FER: variants seen among roughly 807,000 people sequenced by gnomAD.
FER encodes the protein FER tyrosine kinase.
In FER, 63 loss-of-function variants were observed where a neutral mutation model predicts 111.0. The observed-to-expected ratio is 0.57, with a 90% CI of 0.46 to 0.70. The LOEUF is 0.70. Ranked by LOEUF, FER falls within the 30% of genes least tolerant of loss-of-function variation. The pLI, the probability that FER is intolerant of heterozygous loss-of-function variation, is 0.00. For missense variants in FER, 914 were observed against 954.0 expected, an observed-to-expected ratio of 0.96 and a Z score of 0.55; for synonymous variants, 327 against 313.9, an observed-to-expected ratio of 1.04 and a Z score of -0.44.
intron 3 of FER, among the ~76,000 whole-genome samples, chr5:108,822,579 G>T (rs1054604645): frequency 1.3e-5 from 2 of 152,056 alleles, no homozygotes; most frequent in Non-Finnish European, 2.9e-5. Context: ...ATCTAGTCTT[G>T]CCAGAGTGAG....
intron 11 of FER, among the ~76,000 whole-genome samples, chr5:108,950,733 T>C (rs578088757): frequency 6.6e-6 from 1 of 152,182 alleles, no homozygotes; most frequent in Non-Finnish European, 1.5e-5. Flanking sequence ...ATATTAAACA[T>C]TTAGTATATC....
intron 17 of FER, among the ~76,000 whole-genome samples, chr5:109,108,568 A>G (rs1326832475): frequency 1.3e-5 from 2 of 152,092 alleles, no homozygotes; most frequent in Non-Finnish European, 2.9e-5. Context: ...CTTAAATCCT[A>G]TGTCATACCA....
intron 5 of FER, among the ~76,000 whole-genome samples, chr5:108,855,593 C>CAA (rs1762926154): frequency 3.8e-5 from 3 of 79,158 alleles, no homozygotes; most frequent in Admixed American, 1.3e-4. Flanking sequence ...TGCACTCCAG[C>CAA]GAAAAAAAAA....
intron 9 of FER, among the ~76,000 whole-genome samples, chr5:108,892,972 A>G (rs1278594621): frequency 1.3e-5 from 2 of 152,238 alleles, no homozygotes; most frequent in African/African-American, 4.8e-5. Flanking sequence ...AAGATCAGAT[A>G]GTTGTAGATA....
In FER at chr5:109,187,923, C is replaced by T. The variant is rs1196311587; in HGVS notation, c.*348C>T. The T allele has an allele frequency of 3.8e-6, 1 of 263,712 alleles. No homozygotes were observed. The highest frequency in any genetic ancestry group is 2.3e-5 in the African/African-American group (1 of 43,428). The allele number at this position is 263,712 out of a possible 1,614,324, so 16.3% of individuals were successfully genotyped here. On this transcript the variant is annotated 3_prime_UTR_variant, in exon 20 of 20. Transcript: ENST00000281092. ...ACTTCAGGCACAGTTTGTAGGCTGC[C>T]ATCCTATGCCACAGACCCTACTCCG...
chr5:108,936,169 T>C (rs1284435355), intron 10 of FER, among the ~76,000 whole-genome samples: 1 of 152,000 alleles, frequency 6.6e-6, no homozygotes, highest in Non-Finnish European at 1.5e-5. Context: ...TACCTGGGGA[T>C]TCATTGGGAG....
intron 17 of FER, among the ~76,000 whole-genome samples, chr5:109,175,224 G>A (rs538606482): frequency 5.9e-5 from 9 of 152,142 alleles, no homozygotes; most frequent in African/African-American, 1.4e-4. Context: ...TATGATGAAC[G>A]TACAGTTTTG....
At chr5:108,855,635 G>A (rs1762937378) in intron 5 of FER, among the ~76,000 whole-genome samples, 1 of 151,006 alleles carries the variant, frequency 6.6e-6, no homozygotes, top group South Asian at 2.1e-4. Flanking sequence ...AATGTAAAAG[G>A]AAAACTAAGT....
intron 5 of FER, among the ~76,000 whole-genome samples, chr5:108,845,011 T>TATAC (rs1761781945): frequency 2.5e-5 from 1 of 39,420 alleles, no homozygotes; most frequent in Non-Finnish European, 4.8e-5. Context: ...TATATATATA[T>TATAC]ATATATATAT....
chr5:108,793,503 T>C (rs1008497904), intron 2 of FER, among the ~76,000 whole-genome samples: 3 of 124,454 alleles, frequency 2.4e-5, no homozygotes, highest in Non-Finnish European at 5.2e-5. Context: ...TGATATCTAT[T>C]TTTTTTTTGG....
intron 5 of FER, among the ~76,000 whole-genome samples, chr5:108,862,189 G>A (rs1763588519): frequency 6.6e-6 from 1 of 152,088 alleles, no homozygotes; most frequent in Admixed American, 6.5e-5. Context: ...AAATATTTTT[G>A]TAATTGTTAT....
intron 9 of FER, among the ~76,000 whole-genome samples, chr5:108,890,547 A>G (rs1747868030): frequency 6.6e-6 from 1 of 151,924 alleles, no homozygotes; most frequent in Non-Finnish European, 1.5e-5. Flanking sequence ...CTGTCTCCAT[A>G]TGACCCTCTG....
chr5:109,086,359 G>A (rs112907236), intron 16 of FER, among the ~76,000 whole-genome samples: 1 of 151,640 alleles, frequency 6.6e-6, no homozygotes, highest in African/African-American at 2.4e-5. Context: ...TGTAGGGCCT[G>A]TAAAGATGTT....
At chr5:109,145,510 C>T (rs950665823) in intron 17 of FER, among the ~76,000 whole-genome samples, 6 of 151,778 alleles carry the variant, frequency 4.0e-5, no homozygotes, top group African/African-American at 1.5e-4. Flanking sequence ...TAATTTGCTC[C>T]CCCAACCCCC....
At chr5:108,849,675 T>C (rs1038780418) in intron 5 of FER, among the ~76,000 whole-genome samples, 1 of 152,166 alleles carries the variant, frequency 6.6e-6, no homozygotes, top group African/African-American at 2.4e-5. Context: ...GATTGATTTG[T>C]TCCTTCATTT....
At chr5:108,980,442 G>A (rs180719281) in intron 13 of FER, among the ~76,000 whole-genome samples, 55 of 152,230 alleles carry the variant, frequency 3.6e-4, no homozygotes, top group African/African-American at 1.0e-3. Context: ...ACAGGAGAGC[G>A]TCTCTTGTTT....
intron 13 of FER, among the ~76,000 whole-genome samples, chr5:108,977,823 C>G (rs1263922629): frequency 6.6e-6 from 1 of 152,144 alleles, no homozygotes; most frequent in African/African-American, 2.4e-5. Flanking sequence ...GGGTCAGACA[C>G]TTGTGAAGCG....
At chr5:109,092,302 A>AT (rs1247071321) in intron 16 of FER, among the ~76,000 whole-genome samples, 8 of 148,478 alleles carry the variant, frequency 5.4e-5, no homozygotes, top group Non-Finnish European at 8.9e-5. Flanking sequence ...AAAAAAAAAA[A>AT]AAAAAAAAAC....
intron 16 of FER, among the ~76,000 whole-genome samples, chr5:109,084,600 T>A (rs111712671): frequency 1.6e-5 from 2 of 121,418 alleles, no homozygotes; most frequent in African/African-American, 5.8e-5. Flanking sequence ...TTTAAAAAAA[T>A]ATTTTTGGAT....
Sources: gnomAD v4.1 joint callset for allele counts (sites outside exome capture counted in the v4.1 genomes callset) on GRCh38, gnomAD v4.1.1 for gene constraint, MANE v1.5 for transcripts, NCBI Gene and HGNC (gene_info 2026-07-23, HGNC 2026-07-21) for gene names.